PCDHGB1: variants seen among roughly 807,000 people sequenced by gnomAD.
The protein encoded by PCDHGB1 is protocadherin gamma subfamily B, 1.
A neutral mutation model predicts 56.6 loss-of-function variants in PCDHGB1; 34 were observed. The ratio of observed to expected loss-of-function variants is 0.60; its 90% confidence interval spans 0.46 to 0.80. PCDHGB1 has a LOEUF of 0.80. Among genes scored for constraint, PCDHGB1 ranks in the 30% least tolerant of loss-of-function variants. The pLI, the probability that PCDHGB1 is intolerant of heterozygous loss-of-function variation, is 0.00. For synonymous variants in PCDHGB1, 561 were observed against 505.9 expected (o/e 1.11, Z -1.46); for missense variants, 1,278 against 1,204.6 (o/e 1.06, Z -0.90).
At chr5:141,387,739 C>T (rs182945836) in intron 1 of PCDHGB1, 1 of 1,328,598 alleles carries the variant, frequency 7.5e-7, no homozygotes, top group East Asian at 2.5e-5. Context: ...AGCCTTTACA[C>T]CGCTTCCTCC....
intron 1 of PCDHGB1, chr5:141,370,892 G>A: frequency 6.2e-7 from 1 of 1,613,936 alleles, no homozygotes; most frequent in Non-Finnish European, 8.5e-7. Context: ...GTGTCAATTC[G>A]CTGCAGCAGT....
intron 2 of PCDHGB1, among the ~76,000 whole-genome samples, chr5:141,503,824 C>G (rs1216231770): frequency 1.3e-5 from 2 of 152,058 alleles, no homozygotes; most frequent in South Asian, 4.1e-4. Context: ...TTGGGCAAAA[C>G]CAAAAGCAGG....
At chr5:141,417,710 T>A in intron 1 of PCDHGB1, 2 of 1,249,348 alleles carry the variant, frequency 1.6e-6, no homozygotes, top group Admixed American at 5.9e-5. Context: ...ACACAGAGGC[T>A]CCCGGCTGCG....
chr5:141,453,609 G>A (rs1208329212), intron 1 of PCDHGB1, among the ~76,000 whole-genome samples: 3 of 151,900 alleles, frequency 2.0e-5, no homozygotes, highest in South Asian at 4.2e-4. Context: ...TTTGCAAAAC[G>A]CAAAAACAAA....
intron 1 of PCDHGB1, among the ~76,000 whole-genome samples, chr5:141,466,225 C>A (rs925594512): frequency 2.0e-5 from 3 of 152,028 alleles, no homozygotes; most frequent in Admixed American, 6.6e-5. Flanking sequence ...GGCTGGAGTG[C>A]AGTGGCACCA....
chr5:141,415,147 C>T (rs779194230), intron 1 of PCDHGB1: 17 of 1,613,668 alleles, frequency 1.1e-5, no homozygotes, highest in African/African-American at 1.3e-5. Context: ...CCAGCCCCCT[C>T]TCTCCGCCAC....
At chr5:141,407,179 C>T (rs566759065) in intron 1 of PCDHGB1, among the ~76,000 whole-genome samples, 2 of 152,256 alleles carry the variant, frequency 1.3e-5, no homozygotes, top group South Asian at 2.1e-4. Context: ...GACATACAGA[C>T]ATTTTAATTA....
chr5:141,452,929 G>A (rs2154564099), intron 1 of PCDHGB1, among the ~76,000 whole-genome samples: 1 of 152,310 alleles, frequency 6.6e-6, no homozygotes, highest in Admixed American at 6.5e-5. Flanking sequence ...AAGAGCTGCT[G>A]AAGATTTGCT....
rs549801775 is a variant in PCDHGB1 at position 141,419,346 on chromosome 5, T to C, written c.2409+66677T>C. The C allele has an allele frequency of 6.2e-7, 1 of 1,613,828 alleles. No individual in the cohort carries two copies. The highest frequency in any genetic ancestry group is 2.2e-5 in the East Asian group (1 of 44,886). ...TCCTACTCTCTCATTGCCAGCGACCTGGAGTCACGAACGCTGTCGTCCTAC... is the reference window on the plus strand; with the variant it reads ...TCCTACTCTCTCATTGCCAGCGACCCGGAGTCACGAACGCTGTCGTCCTAC... On this transcript the variant is annotated intron_variant, in intron 1 of 3. Coordinates refer to ENST00000523390, the MANE Select transcript of PCDHGB1 (RefSeq NM_018922.3).
At chr5:141,357,233 T>A (rs1760516287) in intron 1 of PCDHGB1, 1 of 1,613,828 alleles carries the variant, frequency 6.2e-7, no homozygotes, top group African/African-American at 1.3e-5. Flanking sequence ...TTGGGCAGCC[T>A]CAAGCCTTCA....
At chr5:141,446,968 G>A (rs1052445705) in intron 1 of PCDHGB1, among the ~76,000 whole-genome samples, 12 of 152,050 alleles carry the variant, frequency 7.9e-5, no homozygotes, top group African/African-American at 2.4e-4. Flanking sequence ...AGGGAAATTT[G>A]CTGTCTAATT....
intron 1 of PCDHGB1, chr5:141,422,964 G>A: frequency 1.2e-6 from 2 of 1,614,190 alleles, no homozygotes; most frequent in Non-Finnish European, 1.7e-6. Flanking sequence ...TGGAGCTGGC[G>A]CCCCGCTCTG....
chr5:141,484,266 T>G (rs2099593967), intron 1 of PCDHGB1, among the ~76,000 whole-genome samples: 1 of 152,220 alleles, frequency 6.6e-6, no homozygotes, highest in Non-Finnish European at 1.5e-5. Flanking sequence ...ACACTGATTC[T>G]TTACTGTTTT....
chr5:141,439,176 T>C (rs1044289122), intron 1 of PCDHGB1, among the ~76,000 whole-genome samples: 3 of 146,068 alleles, frequency 2.1e-5, no homozygotes, highest in African/African-American at 7.8e-5. Context: ...CTGGGCGACA[T>C]AGTGAGACTC....
At chr5:141,376,666 TG>T in intron 1 of PCDHGB1, 2 of 712,058 alleles carry the variant, frequency 2.8e-6, no homozygotes, top group East Asian at 6.0e-5. Context: ...CTTGTTCAGG[TG>T]AGGGTATCGT....
chr5:141,383,521 C>T (rs1434665459), intron 1 of PCDHGB1: 5 of 1,612,260 alleles, frequency 3.1e-6, no homozygotes, highest in Non-Finnish European at 4.2e-6. Flanking sequence ...AGAGCGGGTT[C>T]ACCACCTGGT....
chr5:141,391,238 T>A (rs1388439892), intron 1 of PCDHGB1: 1 of 152,120 alleles, frequency 6.6e-6, no homozygotes, highest in Non-Finnish European at 1.5e-5. Flanking sequence ...TTGCTAGGTA[T>A]ATCTAAGCAA....
In PCDHGB1 at chr5:141,406,055, T is replaced by C. The variant is rs2094752189; in HGVS notation, c.2409+53386T>C. 5.3e-5 allele frequency among the ~76,000 whole-genome samples: 8 copies of C among 150,380 alleles called. No individual in the cohort carries two copies. In the South Asian group the frequency reaches 1.5e-3, roughly 28 times the overall value. On this transcript the variant is annotated intron_variant, in intron 1 of 3. Transcript: ENST00000523390. ...CTTCATTGGTTGCAGTGGACTCATA[T>C]CATAAAATTCTTACTCCTTTTTTTT...
chr5:141,415,434 C>T, intron 1 of PCDHGB1: 2 of 1,614,192 alleles, frequency 1.2e-6, no homozygotes, highest in Non-Finnish European at 1.7e-6. Context: ...TTCGGGCTTT[C>T]CTGCAGACCT....
Sources: gnomAD v4.1 joint callset for allele counts (sites outside exome capture counted in the v4.1 genomes callset) on GRCh38, gnomAD v4.1.1 for gene constraint, MANE v1.5 for transcripts, NCBI Gene and HGNC (gene_info 2026-07-23, HGNC 2026-07-21) for gene names.